TMTC2: variants seen among roughly 807,000 people sequenced by gnomAD.
TMTC2 encodes the protein protein O-mannosyl-transferase TMTC2.
In TMTC2, 43 loss-of-function variants were observed where a neutral mutation model predicts 82.4. That is an observed-to-expected ratio of 0.52 (90% CI 0.41 to 0.67). The LOEUF (loss-of-function observed/expected upper bound fraction) is 0.67, where lower values mean the gene tolerates loss of function less well. TMTC2 is among the 30% of genes least tolerant of loss of function. The probability of loss-of-function intolerance (pLI) is 0.00; values close to 1 mark genes in which losing one functional copy is unlikely to be tolerated. For missense variants in TMTC2, 919 were observed against 1,012.4 expected (o/e 0.91, Z 1.25); for synonymous variants, 408 against 381.9 (o/e 1.07, Z -0.80).
At chr12:83,093,183 C>A (rs1308402692) in intron 11 of TMTC2, among the ~76,000 whole-genome samples, 1 of 152,116 alleles carries the variant, frequency 6.6e-6, no homozygotes, top group Non-Finnish European at 1.5e-5. Context: ...GTGGACTAGT[C>A]TACGACATAA....
intron 10 of TMTC2, among the ~76,000 whole-genome samples, chr12:83,057,423 G>A (rs572637297): frequency 1.3e-4 from 20 of 151,938 alleles, no homozygotes; most frequent in African/African-American, 4.1e-4. Flanking sequence ...ATCTAAGAAG[G>A]CTTAATGGTC....
intron 9 of TMTC2, among the ~76,000 whole-genome samples, chr12:83,048,577 CAG>C (rs1202192190): frequency 1.3e-5 from 2 of 152,074 alleles, no homozygotes; most frequent in East Asian, 1.9e-4. Context: ...TTGAAAAAAA[CAG>C]AAAGTCTTTA....
At chr12:82,694,722 G>C (rs950793820) in intron 1 of TMTC2, among the ~76,000 whole-genome samples, 3 of 151,844 alleles carry the variant, frequency 2.0e-5, no homozygotes, top group Non-Finnish European at 4.4e-5. Context: ...TGTCTTTGAT[G>C]ATTAATCATC....
intron 11 of TMTC2, among the ~76,000 whole-genome samples, chr12:83,077,783 C>T (rs1435761588): frequency 1.3e-5 from 2 of 151,568 alleles, no homozygotes; most frequent in African/African-American, 4.8e-5. Context: ...CCACATTGGC[C>T]AGGATGATCT....
intron 8 of TMTC2, among the ~76,000 whole-genome samples, chr12:83,001,132 C>A (rs1879902272): frequency 6.6e-6 from 1 of 152,134 alleles, no homozygotes; most frequent in South Asian, 2.1e-4. Context: ...AGACATTTTT[C>A]CCATTGTCTT....
intron 8 of TMTC2, among the ~76,000 whole-genome samples, chr12:83,015,428 G>A (rs1880633143): frequency 6.6e-6 from 1 of 152,154 alleles, no homozygotes; most frequent in Non-Finnish European, 1.5e-5. Context: ...AGATAAACCT[G>A]CCAAATCAGG....
chr12:83,022,362 C>CT (rs59845135), intron 8 of TMTC2, among the ~76,000 whole-genome samples: 72,179 of 119,184 alleles, frequency 0.61, 21,794 homozygotes, highest in South Asian at 0.75. Context: ...ACACATAACC[C>CT]TCCCCCCTCC....
chr12:83,106,658 GA>G (rs1344751578), intron 11 of TMTC2, among the ~76,000 whole-genome samples: 1 of 152,118 alleles, frequency 6.6e-6, no homozygotes, highest in East Asian at 1.9e-4. Flanking sequence ...AGAGAGAAAA[GA>G]AAACTTGCCT....
At chr12:83,092,260 C>G (rs906402056) in intron 11 of TMTC2, among the ~76,000 whole-genome samples, 2 of 152,206 alleles carry the variant, frequency 1.3e-5, no homozygotes, top group Non-Finnish European at 2.9e-5. Context: ...GGCCCAGCAG[C>G]TCCCAGCCTC....
In TMTC2 at chr12:83,050,888, T is replaced by A. The variant is rs453715; in HGVS notation, c.2153-16T>A. ...GATTTTCTGAGTTGAAGCTCACTGG[T>A]TTTTATACTTTTCAGGTCAGTTTCT... is the stretch of plus-strand genomic sequence containing the variant. On this transcript the variant is annotated splice_polypyrimidine_tract_variant and intron_variant, in intron 9 of 11. Transcript: ENST00000321196. The A allele has an allele frequency of 6.3e-7, 1 of 1,590,564 alleles. No homozygotes were observed. The highest frequency in any genetic ancestry group is 1.1e-5 in the South Asian group (1 of 88,658).
intron 1 of TMTC2, chr12:82,758,594 A>G (rs1012590743): frequency 6.6e-6 from 1 of 152,204 alleles, no homozygotes; most frequent in Non-Finnish European, 1.5e-5. Flanking sequence ...TTGTAAAATT[A>G]TTCACAAAAG....
At chr12:82,824,033 G>T (rs903579275) in intron 1 of TMTC2, among the ~76,000 whole-genome samples, 1 of 151,616 alleles carries the variant, frequency 6.6e-6, no homozygotes, top group Admixed American at 6.6e-5. Flanking sequence ...AGCTGGAATT[G>T]CAGGCGTCCA....
chr12:82,775,646 TCA>T (rs1427405669), intron 1 of TMTC2, among the ~76,000 whole-genome samples: 10 of 152,258 alleles, frequency 6.6e-5, no homozygotes, highest in African/African-American at 2.2e-4. Flanking sequence ...CTGAAATTTT[TCA>T]CAGTCTCAAA....
intron 1 of TMTC2, among the ~76,000 whole-genome samples, chr12:82,845,959 A>G (rs1282632711): frequency 1.4e-5 from 2 of 141,104 alleles, no homozygotes; most frequent in Non-Finnish European, 3.0e-5. Flanking sequence ...TTTTTTTTTG[A>G]TATTTCCTGT....
chr12:83,008,610 T>C (rs539047685), intron 8 of TMTC2, among the ~76,000 whole-genome samples: 12 of 152,326 alleles, frequency 7.9e-5, no homozygotes, highest in African/African-American at 2.9e-4. Context: ...AAAATTTGTT[T>C]CATATTCCAA....
In TMTC2 at chr12:82,930,531, C is replaced by G; in HGVS notation, c.1584C>G (p.Asp528Glu). The change falls in exon 4 of 12, where the codon GAC (aspartate) becomes GAG (glutamate). Residue 528 changes from aspartate (D) to glutamate (E), a missense_variant. By Grantham distance (45) the Asp-to-Glu change is conservative. Coordinates refer to ENST00000321196, the MANE Select transcript of TMTC2 (RefSeq NM_152588.3). Reference sequence around the variant, plus strand: ...TGTACTACCGCAGCAACATGGCTGACATGCTTTATAATTTGTGAGTATGCC... The same window carrying G: ...TGTACTACCGCAGCAACATGGCTGAGATGCTTTATAATTTGTGAGTATGCC... Reference protein sequence around the residue: ...NALYYRSNMADMLYNLGLLLQ... With the variant: ...NALYYRSNMAEMLYNLGLLLQ... 6.3e-7 allele frequency: 1 copy of G among 1,585,128 alleles called. No homozygotes were observed. Among genetic ancestry groups the G allele is most frequent in the South Asian group, 1.1e-5 (1 of 87,648 alleles).
chr12:83,005,434 A>T (rs1880155832), intron 8 of TMTC2, among the ~76,000 whole-genome samples: 1 of 150,788 alleles, frequency 6.6e-6, no homozygotes, highest in Non-Finnish European at 1.5e-5. Context: ...GGTGGGGGAG[A>T]TGGGAGAGAA....
At chr12:82,843,340 A>T (rs1870448557) in intron 1 of TMTC2, among the ~76,000 whole-genome samples, 1 of 151,632 alleles carries the variant, frequency 6.6e-6, no homozygotes, top group South Asian at 2.1e-4. Context: ...GCCTGCCCTG[A>T]CCTCCCAAAG....
In TMTC2 at chr12:83,005,718, T is replaced by C. The variant is rs1034642509; in HGVS notation, c.2070+19672T>C. Among the ~76,000 whole-genome samples, 14 of 152,268 alleles carry C rather than the reference T, an allele frequency of 9.2e-5. No individual in the cohort carries two copies. The East Asian group carries it at 2.7e-3, about 29-fold the overall frequency. The stretch of plus-strand genomic sequence containing the variant: ...GGAGGCAGGGGGTTTTGGCGGGGAA[T>C]TGCCCCAGGGTGGGGTTGCTCCCAG... On this transcript the variant is annotated intron_variant, in intron 8 of 11. Transcript: ENST00000321196.
Sources: gnomAD v4.1 joint callset for allele counts (sites outside exome capture counted in the v4.1 genomes callset) on GRCh38, gnomAD v4.1.1 for gene constraint, MANE v1.5 for transcripts, NCBI Gene and HGNC (gene_info 2026-07-23, HGNC 2026-07-21) for gene names.